Variants in ARHGAP6 observed in about 807,000 individuals in gnomAD.
ARHGAP6 encodes the protein Rho GTPase activating protein 6, also known as rho GTPase-activating protein 6.
Under a neutral mutation model 55.7 loss-of-function variants are expected in ARHGAP6, and 16 were observed. The observed-to-expected ratio is 0.29, with a 90% CI of 0.19 to 0.44. The LOEUF (loss-of-function observed/expected upper bound fraction) is 0.44. Among genes scored for constraint, ARHGAP6 ranks in the 20% least tolerant of loss-of-function variants. The pLI, the probability that ARHGAP6 is intolerant of heterozygous loss-of-function variation, is 1.00. For missense variants in ARHGAP6, 698 were observed against 808.9 expected (o/e 0.86, Z 1.66); for synonymous variants, 382 against 360.9 (o/e 1.06, Z -0.66).
At chrX:11,467,760 G>A (rs1034249333) in intron 1 of ARHGAP6, among the ~76,000 whole-genome samples, 5 of 110,693 alleles carry the variant, frequency 4.5e-5, no homozygotes, top group Admixed American at 3.9e-4. Flanking sequence ...TGGGTGAATC[G>A]CTTGAGCCCA....
intron 1 of ARHGAP6, among the ~76,000 whole-genome samples, chrX:11,588,900 A>T (rs552093421): frequency 1.8e-5 from 2 of 111,840 alleles, no homozygotes; most frequent in South Asian, 7.5e-4. Context: ...TGCATGCTTT[A>T]AAAGGGTGAA....
At chrX:11,174,633 T>G (rs1300734221) in intron 8 of ARHGAP6, among the ~76,000 whole-genome samples, 4 of 52,190 alleles carry the variant, frequency 7.7e-5, no homozygotes, top group African/African-American at 3.6e-4. Context: ...TTTTCTTTCT[T>G]TCTTTCTTTC....
rs745743670 is a variant in ARHGAP6, at chrX:11,654,825, T to C, written c.588+9416A>G. Among the ~76,000 whole-genome samples the C allele has an allele frequency of 2.8e-4, 31 of 112,327 alleles. No homozygotes were observed. In the East Asian group the frequency reaches 8.0e-3, roughly 29 times the overall value. On this transcript the variant is annotated intron_variant, in intron 1 of 12. Coordinates refer to ENST00000337414, the MANE Select transcript of ARHGAP6 (RefSeq NM_013427.3). The stretch of plus-strand genomic sequence containing the variant: ...ATATAACTACTCTTCTACATTTATA[T>C]TTATGTTTTATTGAAAACAAGATGT...
At chrX:11,273,105 A>T (rs928853075) in intron 1 of ARHGAP6, among the ~76,000 whole-genome samples, 3 of 110,340 alleles carry the variant, frequency 2.7e-5, no homozygotes, top group Non-Finnish European at 3.8e-5. Context: ...CTTTTTCCCT[A>T]CACCCCTCCC....
At chrX:11,206,964 AAC>A (rs1175476176) in intron 2 of ARHGAP6, among the ~76,000 whole-genome samples, 5 of 111,856 alleles carry the variant, frequency 4.5e-5, no homozygotes, top group Admixed American at 1.9e-4. Flanking sequence ...CATTTAATTA[AAC>A]AGTCCTGAAA....
At chrX:11,341,960 C>A (rs1005959045) in intron 1 of ARHGAP6, among the ~76,000 whole-genome samples, 2 of 104,847 alleles carry the variant, frequency 1.9e-5, no homozygotes, top group East Asian at 6.0e-4. Context: ...TTCCCCCACC[C>A]CCACCCCCAC....
In ARHGAP6 at chrX:11,196,840, A is replaced by G. The variant is rs761582194; in HGVS notation, c.820+85T>C. 24 of 552,362 alleles carry G rather than the reference A, an allele frequency of 4.3e-5. No individual in the cohort carries two copies. The South Asian group carries it at 4.6e-4, about 11-fold the overall frequency. The allele number at this position is 552,362 out of a possible 1,213,427, so 45.5% of individuals were successfully genotyped here. A position where few individuals can be genotyped will look rare whatever the true frequency, so the allele number is the denominator to read the frequency against. On this transcript the variant is annotated intron_variant, in intron 3 of 12. Coordinates refer to ENST00000337414, the MANE Select transcript of ARHGAP6 (RefSeq NM_013427.3). ...TTTTCATAACAGAGTTGAACCACGT[A>G]TATCTATGCAATTCAATAACCCCAC...
At chrX:11,400,117 T>G (rs915184799) in intron 1 of ARHGAP6, among the ~76,000 whole-genome samples, 2 of 112,053 alleles carry the variant, frequency 1.8e-5, no homozygotes, top group African/African-American at 6.5e-5. Flanking sequence ...CAATTCTTTA[T>G]GAGGTGATCA....
intron 1 of ARHGAP6, among the ~76,000 whole-genome samples, chrX:11,320,712 C>T (rs752115454): frequency 9.3e-6 from 1 of 106,996 alleles, no homozygotes; most frequent in African/African-American, 3.4e-5. Context: ...ATCTTGTGCC[C>T]TAATGAAGAA....
intron 2 of ARHGAP6, among the ~76,000 whole-genome samples, chrX:11,202,979 G>A (rs1397541839): frequency 9.1e-6 from 1 of 109,857 alleles, no homozygotes; most frequent in Non-Finnish European, 1.9e-5. Flanking sequence ...ATCTCACTGT[G>A]CCTCCATTAC....
At chrX:11,559,338 G>A (rs935780020) in intron 1 of ARHGAP6, among the ~76,000 whole-genome samples, 1 of 110,993 alleles carries the variant, frequency 9.0e-6, no homozygotes, top group African/African-American at 3.3e-5. Context: ...CTGCCTGCCT[G>A]GAATGTGTTC....
intron 1 of ARHGAP6, among the ~76,000 whole-genome samples, chrX:11,535,526 G>C (rs748359596): frequency 8.9e-6 from 1 of 111,883 alleles, no homozygotes; most frequent in Non-Finnish European, 1.9e-5. Flanking sequence ...GGTCCCAGTA[G>C]CCCACCTTAA....
At chrX:11,583,781 A>C (rs920538492) in intron 1 of ARHGAP6, among the ~76,000 whole-genome samples, 2 of 111,938 alleles carry the variant, frequency 1.8e-5, no homozygotes, top group Non-Finnish European at 1.9e-5. Context: ...GGAAAAAAAA[A>C]CATGATCATC....
chrX:11,453,801 T>A (rs1442319171), intron 1 of ARHGAP6, among the ~76,000 whole-genome samples: 2 of 111,903 alleles, frequency 1.8e-5, no homozygotes, highest in African/African-American at 3.3e-5. Context: ...CAAACATACA[T>A]GTCAACTCTC....
At chrX:11,432,172 G>T (rs1047075984) in intron 1 of ARHGAP6, among the ~76,000 whole-genome samples, 2 of 112,458 alleles carry the variant, frequency 1.8e-5, no homozygotes, top group African/African-American at 6.5e-5. Context: ...AGTGTTGCCT[G>T]TTTCCTAACT....
intron 1 of ARHGAP6, among the ~76,000 whole-genome samples, chrX:11,386,995 T>G (rs183830427): frequency 8.9e-6 from 1 of 112,129 alleles, no homozygotes; most frequent in African/African-American, 3.2e-5. Context: ...ATGGATTAAG[T>G]AGACTGATCC....
chrX:11,345,565 A>T (rs892680517), intron 1 of ARHGAP6, among the ~76,000 whole-genome samples: 17 of 112,206 alleles, frequency 1.5e-4, no homozygotes, highest in African/African-American at 5.2e-4. Context: ...GAATACTTCA[A>T]AGAAAAATAA....
chrX:11,361,568 C>A (rs1424057482), intron 1 of ARHGAP6, among the ~76,000 whole-genome samples: 1 of 109,968 alleles, frequency 9.1e-6, no homozygotes, highest in African/African-American at 3.3e-5. Flanking sequence ...AAAACCTAGG[C>A]AATACCATTC....
intron 1 of ARHGAP6, among the ~76,000 whole-genome samples, chrX:11,314,462 T>C (rs1323740208): frequency 8.9e-6 from 1 of 112,509 alleles, no homozygotes; most frequent in Non-Finnish European, 1.9e-5. Flanking sequence ...TAGATTTATG[T>C]ATGTTATTTT....
Sources: gnomAD v4.1 joint callset for allele counts (sites outside exome capture counted in the v4.1 genomes callset) on GRCh38, gnomAD v4.1.1 for gene constraint, MANE v1.5 for transcripts, NCBI Gene and HGNC (gene_info 2026-07-23, HGNC 2026-07-21) for gene names.